Variants in MAN2B1 observed in about 807,000 individuals in gnomAD.
MAN2B1 encodes mannosidase alpha class 2B member 1, also known as lysosomal alpha-mannosidase.
Under a neutral mutation model 127.5 loss-of-function variants are expected in MAN2B1, and 99 were observed. The ratio of observed to expected loss-of-function variants is 0.78; its 90% CI spans 0.66 to 0.92. The LOEUF is 0.92. Among genes scored for constraint, MAN2B1 ranks in the 40% least tolerant of loss-of-function variants. The pLI, the probability that MAN2B1 is intolerant of heterozygous loss-of-function variation, is 0.00. For missense variants in MAN2B1, 1,304 were observed against 1,384.8 expected (o/e 0.94, Z 0.93); for synonymous variants, 573 against 568.8 (o/e 1.01, Z -0.11).
Position 12,657,440 on chromosome 19 carries a change from G to GA in MAN2B1, c.1419+5_1419+6insT, listed in dbSNP as rs2023993936. 2 of 1,547,836 alleles carry GA rather than the reference G, an allele frequency of 1.3e-6. No homozygotes were observed. The highest frequency in any genetic ancestry group is 2.4e-5 in the South Asian group (2 of 83,988). ...CCCCGTGTCTCCCAAGTCTCGCCCC[G>GA]CGCACCTCGCAAGGCCCCCAGCCTG... On this transcript the variant is annotated splice_donor_region_variant and intron_variant, in intron 11 of 23. Transcript: ENST00000456935.
In MAN2B1 at chr19:12,647,422, T is replaced by C. The variant is rs2023715806; in HGVS notation, c.2820+21A>G. ...CTCTCTTGCCTCTCTCCGATCTCCT[T>C]CTCAATTTTGCCCTTCTCACCCTCA... is the stretch of plus-strand genomic sequence containing the variant. On this transcript the variant is annotated intron_variant, in intron 22 of 23. Coordinates refer to ENST00000456935, the MANE Select transcript of MAN2B1 (RefSeq NM_000528.4). This position sits in a 1 kb window ranked among gnomAD's most constrained non-coding sequence, Gnocchi z 4.9. 6.2e-7 allele frequency: 1 copy of C among 1,613,910 alleles called. No homozygotes were observed. Among genetic ancestry groups the C allele is most frequent in the Middle Eastern group, 1.6e-4 (1 of 6,062 alleles).
At chr19:12,654,407 C>T (rs989392481) in intron 14 of MAN2B1, among the ~76,000 whole-genome samples, 5 of 152,108 alleles carry the variant, frequency 3.3e-5, no homozygotes, top group Admixed American at 6.6e-5. Flanking sequence ...GCAGTCAACC[C>T]CTTCCAGGTC....
At chr19:12,649,879 G>C in intron 18 of MAN2B1, 34 bp downstream of exon 18, 8 of 1,468,762 alleles carry the variant, frequency 5.4e-6, no homozygotes, top group African/African-American at 3.0e-5. Flanking sequence ...ACACACCACA[G>C]ACCACCCCCT....
intron 4 of MAN2B1, 95 bp from the exon 5 acceptor site, chr19:12,663,930 G>T: frequency 6.5e-7 from 1 of 1,528,574 alleles, no homozygotes; most frequent in Non-Finnish European, 9.0e-7. Flanking sequence ...CAGAGCACAG[G>T]TTAAAAAGCA....
intron 1 of MAN2B1, 109 bp from the exon 2 acceptor site, chr19:12,665,914 C>G: frequency 1.2e-6 from 1 of 844,894 alleles, no homozygotes; most frequent in East Asian, 2.6e-5. Context: ...CTGATCTCGC[C>G]TATGTGCAGA....
intron 7 of MAN2B1, 41 bp downstream of exon 7, chr19:12,661,219 C>T (rs201219457): frequency 9.9e-6 from 14 of 1,407,474 alleles, no homozygotes; most frequent in East Asian, 2.3e-5. Flanking sequence ...CGGATGCAAG[C>T]GCACATGTGC....
intron 7 of MAN2B1, among the ~76,000 whole-genome samples, chr19:12,660,215 T>C (rs1273381689): frequency 6.6e-6 from 1 of 152,112 alleles, no homozygotes; most frequent in Non-Finnish European, 1.5e-5. Flanking sequence ...AAACTTAAAG[T>C]AGGGAAATTA....
chr19:12,663,884 C>T, intron 4 of MAN2B1, 49 bp from the exon 5 acceptor site: 1 of 1,612,724 alleles, frequency 6.2e-7, no homozygotes, highest in Non-Finnish European at 8.5e-7. Context: ...CCAGCCCTCT[C>T]ACCACCAAAC....
intron 6 of MAN2B1, 135 bp from the exon 7 acceptor site, chr19:12,661,511 G>A (rs758099621): frequency 3.4e-5 from 25 of 735,440 alleles, no homozygotes; most frequent in Admixed American, 1.8e-4. Flanking sequence ...GGAGCGTGGG[G>A]ACACAGATAA....
At chr19:12,660,845 G>A (rs1018531833) in intron 7 of MAN2B1, 6 of 246,220 alleles carry the variant, frequency 2.4e-5, no homozygotes, top group Non-Finnish European at 4.0e-5. Flanking sequence ...TGCAACCTCC[G>A]CCTCCCGGAT....
At chr19:12,654,009 G>A (rs993738122) in intron 14 of MAN2B1, among the ~76,000 whole-genome samples, 2 of 151,166 alleles carry the variant, frequency 1.3e-5, no homozygotes, top group Non-Finnish European at 2.9e-5. Flanking sequence ...ATGAGCCAAC[G>A]TGCCCACCCC....
rs114191291 is a variant in MAN2B1, at chr19:12,646,811, G to A, written c.2924-79C>T. ...CACCCCACGATGCTTCCTCCCCTGG[G>A]TCTAGACACAGCTGCATATCCCCGA... On this transcript the variant is annotated intron_variant, in intron 23 of 23. Transcript: ENST00000456935. 473 of 1,009,030 alleles carry A rather than the reference G, an allele frequency of 4.7e-4. 2 individuals carry two copies. The African/African-American group carries it at 6.5e-3, about 14-fold the overall frequency. The allele number at this position is 1,009,030 out of a possible 1,614,324, so 62.5% of individuals were successfully genotyped here. A position where few individuals can be genotyped will look rare whatever the true frequency, so the allele number is the denominator to read the frequency against.
In MAN2B1 at chr19:12,655,868, A is replaced by C; in HGVS notation, c.1656T>G (p.Phe552Leu). ...GRTVPSDVVI[F>L]PSSDSQAHPP... is the part of the protein sequence containing the mutation. The stretch of plus-strand genomic sequence containing the variant: ...GGTGCGCCTGGCTGTCTGAGCTGGG[A>C]AATATTACCACCTCGGATAAAGGAG... The change falls in exon 14 of 24, where the codon TTT (phenylalanine) becomes TTG (leucine). Residue 552 changes from phenylalanine to leucine, a missense_variant. Physicochemically the swap from Phe to Leu is conservative, Grantham distance 22. Coordinates refer to ENST00000456935, the MANE Select transcript of MAN2B1 (RefSeq NM_000528.4). The C allele has an allele frequency of 1.9e-6, 3 of 1,613,742 alleles. No homozygotes were observed. The highest frequency in any genetic ancestry group is 2.5e-6 in the Non-Finnish European group (3 of 1,179,954).
In MAN2B1 at chr19:12,652,235, T is replaced by C. The variant is rs1286870068; in HGVS notation, c.1964A>G (p.Gln655Arg). Residue 655 changes from glutamine to arginine, a missense_variant, in exon 16 of 24, where the codon CAG becomes CGG. Physicochemically the swap from Gln to Arg is conservative, Grantham distance 43. Coordinates refer to ENST00000456935, the MANE Select transcript of MAN2B1 (RefSeq NM_000528.4). ...NASIGDNESD[Q>R]ASGAYIFRPN... ...TCTGAAGATGTAGGCACCTGAGGCC[T>C]GGTCACTTTCGTTGTCACCTATACT... 12 of 1,614,054 alleles carry C rather than the reference T, an allele frequency of 7.4e-6. No homozygotes were observed. The highest frequency in any genetic ancestry group is 1.0e-5 in the Non-Finnish European group (12 of 1,180,020).
chr19:12,665,810 A>C lies in MAN2B1; in HGVS notation c.160-5T>G. ...CGGCTGCACTGTGGGGCATGTCTGC[A>C]CAGGGACCCCAAACACACATACCTT... On this transcript the variant is annotated splice_region_variant and splice_polypyrimidine_tract_variant and intron_variant, in intron 1 of 23. Transcript: ENST00000456935. 1.2e-6 allele frequency: 2 copies of C among 1,611,564 alleles called. No homozygotes were observed. Among genetic ancestry groups the C allele is most frequent in the Non-Finnish European group, 1.7e-6 (2 of 1,178,198 alleles).
At position 12,665,772 on chromosome 19, in the gene MAN2B1, CGTTCAGCAT is replaced by C; in HGVS notation, c.184_192del (p.Met62_Asn64del). The C allele has an allele frequency of 6.2e-7, 1 of 1,614,120 alleles. No homozygotes were observed. Among genetic ancestry groups the C allele is most frequent in the Non-Finnish European group, 8.5e-7 (1 of 1,180,034 alleles). On this transcript the variant is annotated inframe_deletion, in exon 2 of 24. Transcript: ENST00000456935. Reference sequence around the variant, plus strand: ...TCATGTGTGTGAGGCAGCAGGTGCACGTTCAGCATGTTCGGCTGCACTGTGGGGCATGTC... The same window carrying C: ...TCATGTGTGTGAGGCAGCAGGTGCACGTTCGGCTGCACTGTGGGGCATGTC...
chr19:12,657,311 G>A (rs1399667377), intron 11 of MAN2B1, 135 bp downstream of exon 11: 4 of 182,548 alleles, frequency 2.2e-5, no homozygotes, highest in East Asian at 4.1e-4. Flanking sequence ...TACAAGCCCC[G>A]CCCCCACGAG....
intron 7 of MAN2B1, chr19:12,659,146 C>G (rs1011581226): frequency 6.3e-6 from 1 of 159,804 alleles, no homozygotes; most frequent in African/African-American, 2.4e-5. Flanking sequence ...CATGAGCCAC[C>G]GTGCCCGGCC....
rs556365265 is a variant in MAN2B1, at chr19:12,662,186, A to G, written c.910-810T>C. Among the ~76,000 whole-genome samples the G allele has an allele frequency of 3.3e-5, 5 of 152,096 alleles. No homozygotes were observed. In the South Asian group the frequency reaches 6.2e-4, roughly 19 times the overall value. ...AGGAAAAAAAAATTTTTTTAAGGAG[A>G]ACGTGTTATGCCAGGCATGGTGGCT... On this transcript the variant is annotated intron_variant, in intron 6 of 23. Coordinates refer to ENST00000456935, the MANE Select transcript of MAN2B1 (RefSeq NM_000528.4).
Sources: allele counts gnomAD v4.1 joint callset (sites outside exome capture counted in the v4.1 genomes callset), GRCh38; gene constraint gnomAD v4.1.1; non-coding constraint Gnocchi (gnomAD v3.1); transcripts MANE v1.5; gene names NCBI Gene and HGNC (gene_info 2026-07-23, HGNC 2026-07-21).